The following ZNF500 variants were observed in gnomAD, a reference collection of about 807,000 sequenced individuals.
ZNF500 encodes the protein zinc finger protein with KRAB and SCAN domains 18.
ZNF500 carries 31 observed loss-of-function variants against 30.1 expected under a neutral mutation model. The ratio of observed to expected loss-of-function variants is 1.03; its 90% CI spans 0.77 to 1.39. ZNF500 has a LOEUF of 1.39. Ranked by LOEUF, ZNF500 falls within the 40% of genes most tolerant of loss-of-function variation. ZNF500 has a pLI of 0.00. For missense variants in ZNF500, 817 were observed against 657.8 expected, an observed-to-expected ratio of 1.24 and a Z score of -2.65; for synonymous variants, 392 against 282.0, an observed-to-expected ratio of 1.39 and a Z score of -3.91.
chr16:4,765,583 G>A lies in ZNF500; in HGVS notation c.396C>T (p.Pro132=). Residue 132 remains proline, a synonymous_variant, in exon 2 of 6, where the codon CCC becomes CCT. Transcript: ENST00000219478. ...CACTCACCCGCTGCCTGTGTTTCCT[G>A]GGCTTCCGCTGCAGCCCTTCCACAA... ...VVLVEGLQRK[P]RKHRQRGSEL... is the part of the protein sequence containing the mutation. 7 of 1,601,498 alleles carry A rather than the reference G, an allele frequency of 4.4e-6. No homozygotes were observed. In the South Asian group the frequency reaches 7.8e-5, roughly 18 times the overall value.
chr16:4,756,262 G>C (rs1446729359), intron 5 of ZNF500: 3 of 152,180 alleles, frequency 2.0e-5, no homozygotes, highest in Non-Finnish European at 2.9e-5. Flanking sequence ...GAGGCGGGCA[G>C]ATCACAAGAT....
intron 5 of ZNF500, among the ~76,000 whole-genome samples, chr16:4,756,054 T>C (rs1000218095): frequency 4.6e-5 from 7 of 151,672 alleles, no homozygotes; most frequent in Admixed American, 1.3e-4. Context: ...GGAGGGGAAA[T>C]GGGGAGAAAC....
At position 4,765,899 on chromosome 16, in the gene ZNF500, A is replaced by G. The variant is rs769756919; in HGVS notation, c.80T>C (p.Val27Ala). 1.9e-6 allele frequency: 3 copies of G among 1,612,922 alleles called. No individual in the cohort carries two copies. The highest frequency in any genetic ancestry group is 2.5e-6 in the Non-Finnish European group (3 of 1,179,726). ...CTCTTCCAAGCAGAAGTCCTCCTCC[A>G]CCTTCACAATCAGGATCTCTTCCTG... Reference protein sequence around the residue: ...LEQEEILIVKVEEDFCLEEEP... With the variant: ...LEQEEILIVKAEEDFCLEEEP... Residue 27 changes from valine to alanine, a missense_variant, in exon 2 of 6, where the codon GTG becomes GCG. Val to Ala is a moderately conservative substitution (Grantham distance 64). Transcript: ENST00000219478.
intron 4 of ZNF500, among the ~76,000 whole-genome samples, chr16:4,761,531 A>G (rs2082200975): frequency 6.8e-6 from 1 of 147,612 alleles, no homozygotes; most frequent in Non-Finnish European, 1.5e-5. Context: ...ACACACATAT[A>G]AAAATTATAA....
rs755406015 is a variant in ZNF500 at position 4,765,818 on chromosome 16, C to T, written c.161G>A (p.Arg54Gln). 5 of 1,613,480 alleles carry T rather than the reference C, an allele frequency of 3.1e-6. No individual in the cohort carries two copies. The highest frequency in any genetic ancestry group is 1.7e-5 in the Admixed American group (1 of 60,000). Reference sequence around the variant, plus strand: ...AGCCACCTCCTGGTAGCAGAAGAGCCGGAAGAGCTGGCGGAAAGTCTCAGG... The same window carrying T: ...AGCCACCTCCTGGTAGCAGAAGAGCTGGAAGAGCTGGCGGAAAGTCTCAGG... ...PSPETFRQLFRLFCYQEVAGP... is the reference protein window; with the variant it reads ...PSPETFRQLFQLFCYQEVAGP... Residue 54 changes from arginine (R) to glutamine (Q), a missense_variant, in exon 2 of 6, where the codon CGG becomes CAG. Arg to Gln is a conservative substitution (Grantham distance 43). Transcript: ENST00000219478.
In ZNF500 at chr16:4,760,484, C is replaced by A. The variant is rs780957050; in HGVS notation, c.760+8G>T. On this transcript the variant is annotated splice_region_variant and intron_variant, in intron 5 of 5. Coordinates refer to ENST00000219478, the MANE Select transcript of ZNF500 (RefSeq NM_021646.4). ...GCCCCCTAGAGGACACAATCACTTG[C>A]AAGTTACCTTCATTCTCCAGCGGCG... The A allele has an allele frequency of 6.2e-7, 1 of 1,613,080 alleles. No homozygotes were observed. The highest frequency in any genetic ancestry group is 1.1e-5 in the South Asian group (1 of 90,870).
At chr16:4,759,672 G>A (rs555934950) in intron 5 of ZNF500, among the ~76,000 whole-genome samples, 1 of 152,166 alleles carries the variant, frequency 6.6e-6, no homozygotes, top group Admixed American at 6.5e-5. Flanking sequence ...GTGTGTGTGT[G>A]TATCTTCTGT....
At chr16:4,745,246 A>G (rs2081999796), downstream of ZNF500, among the ~76,000 whole-genome samples, 1 of 152,198 alleles carries the variant, frequency 6.6e-6, no homozygotes, top group Non-Finnish European at 1.5e-5. Flanking sequence ...CAAGCCCTCA[A>G]GTACCTGCTC....
At chr16:4,746,290 G>A (rs371063233), downstream of ZNF500, 32 of 1,412,198 alleles carry the variant, frequency 2.3e-5, no homozygotes, top group East Asian at 9.2e-5. Flanking sequence ...TGGCAGCCAC[G>A]AGCACTGTGA....
Position 4,751,323 on chromosome 16 carries a change from C to T in ZNF500, c.*1053G>A, listed in dbSNP as rs147544048. On this transcript the variant is annotated 3_prime_UTR_variant, in exon 6 of 6. Coordinates refer to ENST00000219478, the MANE Select transcript of ZNF500 (RefSeq NM_021646.4). ...CCTTAGAAAGACAAAGTGGGGCAAC[C>T]GTGGAAGGCCACATTCCAGACACTA... The T allele has an allele frequency of 9.4e-4, 439 of 467,368 alleles. No individual in the cohort carries two copies. The highest frequency in any genetic ancestry group is 2.8e-3 in the Admixed American group (74 of 26,568). 29.0% of individuals were successfully genotyped at this position (467,368 alleles called of 1,614,324 possible).
chr16:4,752,009 A>G lies in ZNF500; in HGVS notation c.*367T>C, dbSNP rs1279854195. 1 of 1,126,178 alleles carries G rather than the reference A, an allele frequency of 8.9e-7. No homozygotes were observed. The highest frequency in any genetic ancestry group is 1.1e-6 in the Non-Finnish European group (1 of 878,770). 69.8% of individuals were successfully genotyped at this position (1,126,178 alleles called of 1,614,324 possible). On this transcript the variant is annotated 3_prime_UTR_variant, in exon 6 of 6. Coordinates refer to ENST00000219478, the MANE Select transcript of ZNF500 (RefSeq NM_021646.4). ...GGTTGGGACGTGGGGATGAGGCTGT[A>G]TGCCAGCAGCCACTGGATGCTGGAG...
At chr16:4,747,067 C>G (rs757175427), downstream of ZNF500, 4 of 1,477,970 alleles carry the variant, frequency 2.7e-6, no homozygotes, top group South Asian at 5.2e-5. Flanking sequence ...GATGTCCCAC[C>G]TCTGCTTTCT....
Position 4,752,116 on chromosome 16 carries a change from T to C in ZNF500, c.*260A>G. On this transcript the variant is annotated 3_prime_UTR_variant, in exon 6 of 6. Transcript: ENST00000219478. ...GTCGGCTTCTGGCCTCCTGAGTGTG[T>C]CTCTGTGGCTGAAGCCCCTGCTCTG... 3.0e-6 allele frequency: 4 copies of C among 1,339,908 alleles called. No individual in the cohort carries two copies. The highest frequency in any genetic ancestry group is 3.8e-6 in the Non-Finnish European group (4 of 1,050,974). 83.0% of individuals were successfully genotyped at this position (1,339,908 alleles called of 1,614,324 possible).
In ZNF500 at chr16:4,752,834, C is replaced by G. The variant is rs767538954; in HGVS notation, c.985G>C (p.Glu329Gln). The G allele has an allele frequency of 1.1e-5, 17 of 1,614,116 alleles. No individual in the cohort carries two copies. ...HGADKPYTCP[E>Q]CGKGFSKTSH... ...GTCTTGCTGAAGCCTTTGCCACATT[C>G]GGGGCAGGTGTACGGCTTGTCAGCC... Residue 329 changes from glutamate to glutamine, a missense_variant, in exon 6 of 6, where the codon GAA becomes CAA. By Grantham distance (29) the Glu-to-Gln change is conservative (BLOSUM62 2). Transcript: ENST00000219478.
Position 4,752,997 on chromosome 16 carries a change from C to T in ZNF500, c.822G>A (p.Glu274=), listed in dbSNP as rs773840520. The change falls in exon 6 of 6, where the codon GAG becomes GAA. Residue 274 remains glutamate, a synonymous_variant. Transcript: ENST00000219478. ...ATCGTGCCGAGAGCACTCGGTACCACTCCATTCTCAACGGGGCATCCTCCC... is the reference window on the plus strand; with the variant it reads ...ATCGTGCCGAGAGCACTCGGTACCATTCCATTCTCAACGGGGCATCCTCCC... ...DGREDAPLRM[E]WYRVLSARCQ... is the part of the protein sequence containing the mutation. 29 of 1,582,286 alleles carry T rather than the reference C, an allele frequency of 1.8e-5. No homozygotes were observed. The South Asian group carries it at 3.3e-4, about 18-fold the overall frequency.
rs200665353 is a variant in ZNF500 at position 4,762,074 on chromosome 16, G to A, written c.663+197C>T. On this transcript the variant is annotated intron_variant, in intron 4 of 5. Transcript: ENST00000219478. ...CAGCCGAGTACTTAAATGGCCTCTG[G>A]AGAGAAGAAAAGACTTCCCAGGAGG... Among the ~76,000 whole-genome samples, 3 of 152,272 alleles carry A rather than the reference G, an allele frequency of 2.0e-5. No homozygotes were observed. In the East Asian group the frequency reaches 5.8e-4, roughly 29 times the overall value.
chr16:4,756,976 C>A (rs1479356117), intron 5 of ZNF500, among the ~76,000 whole-genome samples: 2 of 151,668 alleles, frequency 1.3e-5, no homozygotes, highest in African/African-American at 4.8e-5. Context: ...GAGTGAGATC[C>A]TGTCTCAAAA....
Position 4,752,597 on chromosome 16 carries a change from G to T in ZNF500, c.1222C>A (p.Pro408Thr). Residue 408 changes from proline to threonine, a missense_variant, in exon 6 of 6, where the codon CCC becomes ACC. Coordinates refer to ENST00000219478, the MANE Select transcript of ZNF500 (RefSeq NM_021646.4). ...IHRRTHSGERPYACTQCGKRF... is the reference protein window; with the variant it reads ...IHRRTHSGERTYACTQCGKRF... ...TTCCCGCACTGGGTGCAGGCATAGG[G>T]CCGCTCCCCGCTGTGTGTCCTGCGG... The T allele has an allele frequency of 6.3e-7, 1 of 1,593,706 alleles. No homozygotes were observed.
intron 2 of ZNF500, among the ~76,000 whole-genome samples, chr16:4,765,171 C>T (rs1484537050): frequency 1.3e-5 from 2 of 152,080 alleles, no homozygotes; most frequent in East Asian, 1.9e-4. Context: ...TGTAGTGGTG[C>T]ATGCCTGTAG....
Sources: allele counts gnomAD v4.1 joint callset (sites outside exome capture counted in the v4.1 genomes callset), GRCh38; gene constraint gnomAD v4.1.1; transcripts MANE v1.5; gene names NCBI Gene and HGNC (gene_info 2026-07-23, HGNC 2026-07-21).